The following CCSER2 variants were observed in gnomAD, a reference collection of about 807,000 sequenced individuals.
CCSER2 encodes the protein serine-rich coiled-coil domain-containing protein 2.
Under a neutral mutation model 92.3 loss-of-function variants are expected in CCSER2, and 46 were observed. The observed-to-expected ratio is 0.50, with a 90% CI of 0.39 to 0.64. The LOEUF (loss-of-function observed/expected upper bound fraction) is 0.64. Ranked by LOEUF, CCSER2 falls within the 30% of genes least tolerant of loss-of-function variation. The pLI is 0.00. For synonymous variants in CCSER2, 433 were observed against 431.4 expected (o/e 1.00, Z -0.04); for missense variants, 1,244 against 1,238.9 (o/e 1.00, Z -0.06).
intron 3 of CCSER2, among the ~76,000 whole-genome samples, chr10:84,379,072 T>C (rs1050962942): frequency 2.6e-5 from 4 of 152,218 alleles, no homozygotes; most frequent in Non-Finnish European, 5.9e-5. Flanking sequence ...CTTAGGTATG[T>C]AAAAGAATTT....
At chr10:84,368,622 G>T (rs1040593959) in intron 1 of CCSER2, among the ~76,000 whole-genome samples, 57 of 152,062 alleles carry the variant, frequency 3.7e-4, no homozygotes, top group African/African-American at 1.3e-3. Flanking sequence ...TTTTTCGAAT[G>T]TCTTCTAGCT....
Position 84,371,476 on chromosome 10 carries a change from T to C in CCSER2, c.424T>C (p.Ser142Pro), listed in dbSNP as rs971341561. The C allele has an allele frequency of 1.2e-6, 2 of 1,613,790 alleles. No homozygotes were observed. The highest frequency in any genetic ancestry group is 1.3e-5 in the African/African-American group (1 of 74,906). ...ATCTACAGAGGAGTTAAACCAAAAG[T>C]CTTTTTCTGGACCATCTAATTTGGG... ...VSSTEELNQK[S>P]FSGPSNLGKF... Residue 142 changes from serine (S) to proline (P), a missense_variant, in exon 2 of 10, where the codon TCT becomes CCT. Coordinates refer to ENST00000372088, the MANE Select transcript of CCSER2 (RefSeq NM_001284240.2).
chr10:84,353,875 T>C (rs547883537), intron 1 of CCSER2, among the ~76,000 whole-genome samples: 1 of 143,498 alleles, frequency 7.0e-6, no homozygotes, highest in South Asian at 2.3e-4. Flanking sequence ...GAAAAGAGGG[T>C]ACAAAATAAA....
intron 4 of CCSER2, among the ~76,000 whole-genome samples, chr10:84,421,707 T>A (rs1843158703): frequency 6.6e-6 from 1 of 152,138 alleles, no homozygotes; most frequent in Non-Finnish European, 1.5e-5. Flanking sequence ...TTAAGGGTCA[T>A]GACTGACACA....
intron 1 of CCSER2, among the ~76,000 whole-genome samples, chr10:84,345,125 G>A (rs900101836): frequency 2.0e-5 from 3 of 152,168 alleles, no homozygotes; most frequent in African/African-American, 7.2e-5. Context: ...GTAAAAAATG[G>A]ATTGAAGGGG....
At chr10:84,455,620 G>T (rs1427276537) in intron 6 of CCSER2, 2 of 612,798 alleles carry the variant, frequency 3.3e-6, no homozygotes, top group South Asian at 3.2e-5. Context: ...TATCAGTCTT[G>T]ACCTTTTTTG....
chr10:84,374,994 C>T (rs1846251265), intron 3 of CCSER2, among the ~76,000 whole-genome samples: 1 of 152,114 alleles, frequency 6.6e-6, no homozygotes, highest in Admixed American at 6.6e-5. Flanking sequence ...GTGTCTTCAT[C>T]TCATTAGATA....
intron 8 of CCSER2, among the ~76,000 whole-genome samples, chr10:84,472,572 A>G (rs111364916): frequency 0.076 from 11,589 of 152,218 alleles, 497 homozygotes; most frequent in Middle Eastern, 0.12. Context: ...ACTCTGTCTT[A>G]AAAAATAAAA....
chr10:84,448,290 A>G (rs1321402019), intron 6 of CCSER2, among the ~76,000 whole-genome samples: 1 of 152,114 alleles, frequency 6.6e-6, no homozygotes, highest in African/African-American at 2.4e-5. Context: ...TTTGACTCTG[A>G]TAGCCCATGC....
intron 6 of CCSER2, among the ~76,000 whole-genome samples, chr10:84,457,576 ATATATTATATATAATTATATAT>A (rs1845820623): frequency 1.0e-4 from 1 of 9,742 alleles, no homozygotes; most frequent in African/African-American, 4.5e-4. Flanking sequence ...ATTTATATTT[ATATATTATATATAATTATATAT>A]TTATATATTA....
intron 7 of CCSER2, among the ~76,000 whole-genome samples, 167 bp downstream of exon 7, chr10:84,464,183 A>C (rs1016378985): frequency 6.6e-6 from 1 of 152,212 alleles, no homozygotes; most frequent in African/African-American, 2.4e-5. Context: ...GTGGTGCTTT[A>C]ATTTGAATTT....
chr10:84,439,646 G>A (rs1294045191), intron 6 of CCSER2, among the ~76,000 whole-genome samples: 1 of 152,156 alleles, frequency 6.6e-6, no homozygotes, highest in African/African-American at 2.4e-5. Context: ...GTTACTCAGG[G>A]ATCTTCTGTA....
chr10:84,428,340 C>T (rs757112573), intron 5 of CCSER2, among the ~76,000 whole-genome samples: 21 of 152,180 alleles, frequency 1.4e-4, no homozygotes, highest in Non-Finnish European at 2.9e-4. Flanking sequence ...GCGCAGCTCA[C>T]GATAGGGTTC....
chr10:84,339,210 G>A (rs1844031861), intron 1 of CCSER2, among the ~76,000 whole-genome samples: 1 of 151,088 alleles, frequency 6.6e-6, no homozygotes, highest in Admixed American at 6.6e-5. Flanking sequence ...TGCTGTGTTG[G>A]CCAGGCTGGT....
intron 3 of CCSER2, among the ~76,000 whole-genome samples, chr10:84,384,973 C>G (rs1171395202): frequency 6.7e-6 from 1 of 150,068 alleles, no homozygotes; most frequent in Admixed American, 6.7e-5. Flanking sequence ...TCAAACAGAA[C>G]CAAATTGAGA....
intron 4 of CCSER2, among the ~76,000 whole-genome samples, chr10:84,421,870 A>G (rs1169310544): frequency 6.6e-6 from 1 of 152,192 alleles, no homozygotes; most frequent in Admixed American, 6.5e-5. Context: ...ACAGCTATAT[A>G]GAAATGTGAT....
At chr10:84,415,279 G>A (rs1307178606) in intron 3 of CCSER2, among the ~76,000 whole-genome samples, 1 of 152,074 alleles carries the variant, frequency 6.6e-6, no homozygotes, top group Admixed American at 6.5e-5. Context: ...CATATTTATG[G>A]GCTTATCTAC....
At chr10:84,453,646 G>T (rs2133597836) in intron 6 of CCSER2, among the ~76,000 whole-genome samples, 1 of 152,088 alleles carries the variant, frequency 6.6e-6, no homozygotes. Context: ...CTAAATTTTT[G>T]CCTTTGATGT....
intron 1 of CCSER2, among the ~76,000 whole-genome samples, chr10:84,348,765 C>T (rs1303262507): frequency 1.3e-5 from 2 of 152,016 alleles, no homozygotes; most frequent in Non-Finnish European, 2.9e-5. Context: ...TAATTTTATA[C>T]TCAGAGAAAT....
Sources: gnomAD v4.1 joint callset for allele counts (sites outside exome capture counted in the v4.1 genomes callset) on GRCh38, gnomAD v4.1.1 for gene constraint, MANE v1.5 for transcripts, NCBI Gene and HGNC (gene_info 2026-07-23, HGNC 2026-07-21) for gene names.